WIPF2: variants seen among roughly 807,000 people sequenced by gnomAD.
WIPF2 encodes the protein WAS/WASL-interacting protein family member 2.
A neutral mutation model predicts 38.8 loss-of-function variants in WIPF2; 23 were observed. That is an observed-to-expected ratio of 0.59 (90% CI 0.43 to 0.84). The LOEUF (loss-of-function observed/expected upper bound fraction) is 0.84, where lower values mean the gene tolerates loss of function less well. Among genes scored for constraint, WIPF2 ranks in the 40% least tolerant of loss-of-function variants. The pLI, the probability that WIPF2 is intolerant of heterozygous loss-of-function variation, is 0.00. For missense variants in WIPF2, 574 were observed against 580.5 expected (o/e 0.99, Z 0.11); for synonymous variants, 210 against 223.2 (o/e 0.94, Z 0.53).
chr17:40,236,868 A>G (rs1193717407), intron 1 of WIPF2, among the ~76,000 whole-genome samples: 2 of 151,958 alleles, frequency 1.3e-5, no homozygotes, highest in Non-Finnish European at 2.9e-5. Flanking sequence ...CGGCCTCCCA[A>G]GGTTTCTAAC....
At chr17:40,242,115 C>CT (rs2031210483) in intron 1 of WIPF2, among the ~76,000 whole-genome samples, 1 of 152,190 alleles carries the variant, frequency 6.6e-6, no homozygotes, top group Admixed American at 6.6e-5. Context: ...AATTTTACAA[C>CT]TTCCATTGAA....
chr17:40,270,219 AGCC>A (rs990958011), intron 5 of WIPF2, among the ~76,000 whole-genome samples: 1 of 150,898 alleles, frequency 6.6e-6, no homozygotes, highest in African/African-American at 2.4e-5. Context: ...TACAAAAATG[AGCC>A]GGGCGTGGTG....
intron 2 of WIPF2, among the ~76,000 whole-genome samples, chr17:40,259,144 G>T (rs781042459): frequency 6.7e-6 from 1 of 149,956 alleles, no homozygotes; most frequent in Admixed American, 6.7e-5. Context: ...CTCCCAAAGT[G>T]CTGGGATTAC....
At chr17:40,268,363 GTTCA>G (rs1363998729) in intron 5 of WIPF2, among the ~76,000 whole-genome samples, 1 of 152,084 alleles carries the variant, frequency 6.6e-6, no homozygotes, top group Admixed American at 6.6e-5. Flanking sequence ...ATTCTATAAA[GTTCA>G]GGTTTGACTT....
chr17:40,246,021 C>A (rs1457386734), intron 1 of WIPF2, among the ~76,000 whole-genome samples: 2 of 151,782 alleles, frequency 1.3e-5, no homozygotes, highest in Non-Finnish European at 2.9e-5. Flanking sequence ...TTTTCTGTTT[C>A]TGGCATGTTG....
chr17:40,227,934 TG>T (rs779901357), intron 1 of WIPF2, among the ~76,000 whole-genome samples: 23 of 151,158 alleles, frequency 1.5e-4, no homozygotes, highest in South Asian at 4.2e-4. Flanking sequence ...TTTTTTTTTT[TG>T]TTGTTGTTGT....
intron 1 of WIPF2, among the ~76,000 whole-genome samples, chr17:40,227,935 G>T (rs118149584): frequency 0.051 from 7,309 of 141,996 alleles, 288 homozygotes; most frequent in Non-Finnish European, 0.072. Context: ...TTTTTTTTTT[G>T]TTGTTGTTGT....
chr17:40,235,687 C>T (rs2030941822), intron 1 of WIPF2, among the ~76,000 whole-genome samples: 1 of 151,178 alleles, frequency 6.6e-6, no homozygotes, highest in South Asian at 2.1e-4. Flanking sequence ...AATTCTCCTA[C>T]CTCAGCCTCC....
intron 1 of WIPF2, among the ~76,000 whole-genome samples, chr17:40,232,015 C>CTTT (rs547592426): frequency 0.012 from 1,322 of 110,352 alleles, 13 homozygotes; most frequent in Non-Finnish European, 0.018. Context: ...ATTGATTTTA[C>CTTT]TTTTTTTTTT....
intron 1 of WIPF2, among the ~76,000 whole-genome samples, chr17:40,245,397 C>T (rs1380436948): frequency 1.3e-5 from 2 of 151,570 alleles, no homozygotes; most frequent in Admixed American, 1.3e-4. Flanking sequence ...GGCTGGAGCG[C>T]AGTGGCACGA....
In WIPF2 at chr17:40,223,165, A is replaced by C. The variant is rs182450242; in HGVS notation, c.-70+3673A>C. Among the ~76,000 whole-genome samples, 701 of 151,528 alleles carry C rather than the reference A, an allele frequency of 4.6e-3. 9 individuals are homozygous for C. Among genetic ancestry groups the C allele is most frequent in the South Asian group, 8.8e-3 (42 of 4,798 alleles). ...TATTTGTTTATTTATTTATTTTGAGACAGAGTCTTGCTGTATTGCCCAGGC... is the reference window on the plus strand; with the variant it reads ...TATTTGTTTATTTATTTATTTTGAGCCAGAGTCTTGCTGTATTGCCCAGGC... On this transcript the variant is annotated intron_variant, in intron 1 of 7. Transcript: ENST00000323571.
At position 40,245,977 on chromosome 17, in the gene WIPF2, C is replaced by G. The variant is rs139103544; in HGVS notation, c.-69-10414C>G. On this transcript the variant is annotated intron_variant, in intron 1 of 7. Transcript: ENST00000323571. ...CGTATAGCCTTGTGTTTCTTTCTTT[C>G]CTCTTTTCATAGATATCTCCATTCT... Among the ~76,000 whole-genome samples the G allele has an allele frequency of 6.1e-3, 926 of 152,110 alleles. 7 individuals carry two copies. The highest frequency in any genetic ancestry group is 8.1e-3 in the Non-Finnish European group (553 of 68,010).
chr17:40,238,260 T>A (rs990257178), intron 1 of WIPF2, among the ~76,000 whole-genome samples: 1 of 152,154 alleles, frequency 6.6e-6, no homozygotes, highest in Non-Finnish European at 1.5e-5. Flanking sequence ...GAGATTTTCT[T>A]CAGTTGTTTG....
At chr17:40,264,446 A>G (rs1198439972) in intron 4 of WIPF2, 44 bp from the exon 5 acceptor site, 30 of 1,597,174 alleles carry the variant, frequency 1.9e-5, no homozygotes, top group Non-Finnish European at 2.5e-5. Flanking sequence ...ACTGACCAAT[A>G]TCTGTCCAGC....
rs1008862232 is a variant in WIPF2 at position 40,237,326 on chromosome 17, C to T, written c.-70+17834C>T. Among the ~76,000 whole-genome samples the T allele has an allele frequency of 1.5e-4, 23 of 150,898 alleles. 1 individual carries two copies. The highest frequency in any genetic ancestry group is 2.1e-4 in the South Asian group (1 of 4,774). ...TGCTATCTCGGGTCACCGCAATCTC[C>T]GCCTCCTGGGTTCAAGGGATTCCCC... is the stretch of plus-strand genomic sequence containing the variant. On this transcript the variant is annotated intron_variant, in intron 1 of 7. Coordinates refer to ENST00000323571, the MANE Select transcript of WIPF2 (RefSeq NM_133264.5).
intron 1 of WIPF2, among the ~76,000 whole-genome samples, chr17:40,227,457 G>A (rs2030542133): frequency 6.6e-6 from 1 of 152,108 alleles, no homozygotes. Flanking sequence ...CACCTGCCAA[G>A]AAAAAGAAAG....
chr17:40,228,473 G>A (rs565657159), intron 1 of WIPF2, among the ~76,000 whole-genome samples: 2 of 152,258 alleles, frequency 1.3e-5, no homozygotes, highest in East Asian at 3.9e-4. Flanking sequence ...ATATGACTGT[G>A]TCTGTAGGGT....
intron 5 of WIPF2, among the ~76,000 whole-genome samples, chr17:40,269,666 G>A (rs1320107310): frequency 1.3e-4 from 18 of 139,244 alleles, no homozygotes; most frequent in Admixed American, 2.2e-4. Flanking sequence ...GTGCAGTGGC[G>A]CGATCTCGGC....
intron 1 of WIPF2, among the ~76,000 whole-genome samples, chr17:40,225,238 CTTT>C: frequency 7.1e-6 from 1 of 141,002 alleles, no homozygotes; most frequent in East Asian, 2.1e-4. Flanking sequence ...GTATTTCCAA[CTTT>C]TTTTTTTTTT....
Sources: gnomAD v4.1 joint callset for allele counts (sites outside exome capture counted in the v4.1 genomes callset) on GRCh38, gnomAD v4.1.1 for gene constraint, MANE v1.5 for transcripts, NCBI Gene and HGNC (gene_info 2026-07-23, HGNC 2026-07-21) for gene names.